Variants in USP33 observed in about 807,000 individuals in gnomAD.
The protein encoded by USP33 is ubiquitin carboxyl-terminal hydrolase 33.
A neutral mutation model predicts 124.2 loss-of-function variants in USP33; 46 were observed. The observed-to-expected ratio is 0.37, with a 90% confidence interval of 0.29 to 0.47. The LOEUF (loss-of-function observed/expected upper bound fraction) is 0.47, where lower values mean the gene tolerates loss of function less well. Among genes scored for constraint, USP33 ranks in the 20% least tolerant of loss-of-function variants. USP33 has a pLI of 0.99. For synonymous variants in USP33, 350 were observed against 352.3 expected, an observed-to-expected ratio of 0.99 and a Z score of 0.07; for missense variants, 851 against 1,070.6, an observed-to-expected ratio of 0.79 and a Z score of 2.86.
chr1:77,697,174 T>C lies in USP33; in HGVS notation c.*143A>G. The C allele has an allele frequency of 1.4e-6, 1 of 738,426 alleles. No homozygotes were observed. Among genetic ancestry groups the C allele is most frequent in the Non-Finnish European group, 2.1e-6 (1 of 467,020 alleles). 45.7% of individuals were successfully genotyped at this position (738,426 alleles called of 1,614,324 possible). A position where few individuals can be genotyped will look rare whatever the true frequency, so the allele number is the denominator to read the frequency against. ...TTACACATTTTAATATATTCTTCCATAATGCCCACTAAGAAGAAATAAATG... is the reference window on the plus strand; with the variant it reads ...TTACACATTTTAATATATTCTTCCACAATGCCCACTAAGAAGAAATAAATG... On this transcript the variant is annotated 3_prime_UTR_variant, in exon 24 of 24. Coordinates refer to ENST00000370794, the MANE Select transcript of USP33 (RefSeq NM_201624.3).
intron 1 of USP33, among the ~76,000 whole-genome samples, chr1:77,742,580 C>T (rs1261313553): frequency 6.6e-6 from 1 of 152,114 alleles, no homozygotes; most frequent in Non-Finnish European, 1.5e-5. Context: ...TTTACTGATC[C>T]ACAGTGTTTG....
chr1:77,729,991 T>TGAAAA, intron 8 of USP33, 53 bp from the exon 9 acceptor site: 1 of 1,475,118 alleles, frequency 6.8e-7, no homozygotes, highest in Non-Finnish European at 9.3e-7. Flanking sequence ...TAATTTTCAT[T>TGAAAA]TTAAAAATTA....
intron 10 of USP33, among the ~76,000 whole-genome samples, chr1:77,727,805 A>G (rs1677329951): frequency 1.3e-5 from 2 of 152,210 alleles, no homozygotes; most frequent in South Asian, 2.1e-4. Flanking sequence ...ATTTGGCCAC[A>G]TGCTCTTTCT....
At chr1:77,727,706 T>C (rs1198262854) in intron 10 of USP33, among the ~76,000 whole-genome samples, 1 of 152,250 alleles carries the variant, frequency 6.6e-6, no homozygotes, top group Non-Finnish European at 1.5e-5. Context: ...AATGGCCCAA[T>C]TTTGTGTGCT....
At chr1:77,744,876 C>T (rs1018592765) in intron 1 of USP33, among the ~76,000 whole-genome samples, 8 of 152,140 alleles carry the variant, frequency 5.3e-5, no homozygotes, top group African/African-American at 1.9e-4. Flanking sequence ...ATAAGTGCGA[C>T]ACGGTGCTAA....
intron 21 of USP33, among the ~76,000 whole-genome samples, chr1:77,708,672 A>C (rs982832796): frequency 6.6e-6 from 1 of 152,218 alleles, no homozygotes; most frequent in Non-Finnish European, 1.5e-5. Flanking sequence ...TGATTTCAGA[A>C]TAAGTTGCTG....
chr1:77,703,441 T>C (rs997456347), intron 21 of USP33, among the ~76,000 whole-genome samples: 3 of 152,082 alleles, frequency 2.0e-5, no homozygotes, highest in African/African-American at 4.8e-5. Context: ...CTGGCCAACA[T>C]GGTGAAACCT....
chr1:77,707,441 T>C (rs1674755576), intron 21 of USP33, among the ~76,000 whole-genome samples: 2 of 152,304 alleles, frequency 1.3e-5, no homozygotes, highest in African/African-American at 4.8e-5. Context: ...TTAGGGCCCA[T>C]TCAGACAACT....
chr1:77,711,894 G>A (rs1675305029), intron 20 of USP33, 39 bp from the exon 21 acceptor site: 2 of 1,561,134 alleles, frequency 1.3e-6, no homozygotes, highest in Non-Finnish European at 1.7e-6. Context: ...GTTCTAGGAA[G>A]TTTGTTTCTA....
intron 21 of USP33, among the ~76,000 whole-genome samples, chr1:77,703,111 ACCC>A (rs1234238065): frequency 5.9e-5 from 9 of 152,088 alleles, no homozygotes; most frequent in African/African-American, 1.7e-4. Flanking sequence ...CCATGATCTC[ACCC>A]CATAATCTGA....
intron 1 of USP33, among the ~76,000 whole-genome samples, chr1:77,750,280 T>C (rs1239830232): frequency 6.6e-6 from 1 of 151,694 alleles, no homozygotes; most frequent in Non-Finnish European, 1.5e-5. Context: ...ATCACGCCAC[T>C]GCACACCAGC....
chr1:77,749,887 T>C (rs551648577), intron 1 of USP33, among the ~76,000 whole-genome samples: 1 of 152,306 alleles, frequency 6.6e-6, no homozygotes, highest in African/African-American at 2.4e-5. Flanking sequence ...CCAAGATAAA[T>C]ATTTTTTTCT....
At chr1:77,722,269 C>A in intron 12 of USP33, 73 bp from the exon 13 acceptor site, 1 of 1,340,480 alleles carries the variant, frequency 7.5e-7, no homozygotes. Context: ...AGATTTTAGA[C>A]TCTAAAGATC....
At chr1:77,750,672 GAAAGAAAGAA>G (rs1195709028) in intron 1 of USP33, among the ~76,000 whole-genome samples, 2 of 147,698 alleles carry the variant, frequency 1.4e-5, no homozygotes, top group Non-Finnish European at 3.0e-5. Flanking sequence ...AAGAAAGAAA[GAAAGAAAGAA>G]AGAAAAAGGA....
At chr1:77,721,116 TAAAAACCAAG>T in intron 15 of USP33, 46 bp downstream of exon 15, 1 of 1,607,910 alleles carries the variant, frequency 6.2e-7, no homozygotes, top group Non-Finnish European at 8.5e-7. Context: ...TACCCAATTC[TAAAAACCAAG>T]AAAAATACAC....
chr1:77,738,024 T>G (rs981748600), intron 5 of USP33, among the ~76,000 whole-genome samples: 5 of 152,330 alleles, frequency 3.3e-5, no homozygotes, highest in East Asian at 3.9e-4. Context: ...TGAAAAAGAC[T>G]AAACATGTTT....
intron 12 of USP33, 173 bp from the exon 13 acceptor site, chr1:77,722,369 AC>A (rs1017395418): frequency 6.5e-6 from 4 of 615,058 alleles, no homozygotes; most frequent in African/African-American, 3.7e-5. Context: ...AAAAAAAAAA[AC>A]AAAAACAAAA....
intron 1 of USP33, among the ~76,000 whole-genome samples, chr1:77,749,909 CA>C (rs995513691): frequency 6.6e-6 from 1 of 151,626 alleles, no homozygotes; most frequent in Non-Finnish European, 1.5e-5. Context: ...AAATCTCAAG[CA>C]AAAAATAAGA....
At chr1:77,714,869 C>T (rs1570758347) in intron 18 of USP33, 86 bp from the exon 19 acceptor site, 1 of 1,281,904 alleles carries the variant, frequency 7.8e-7, no homozygotes, top group Non-Finnish European at 1.1e-6. Flanking sequence ...AGACTTAACA[C>T]ACATATTAAC....
Sources: allele counts gnomAD v4.1 joint callset (sites outside exome capture counted in the v4.1 genomes callset), GRCh38; gene constraint gnomAD v4.1.1; transcripts MANE v1.5; gene names NCBI Gene and HGNC (gene_info 2026-07-23, HGNC 2026-07-21).